The following MARCHF1 variants were observed in gnomAD, a reference collection of about 807,000 sequenced individuals.
The protein encoded by MARCHF1 is membrane associated ring-CH-type finger 1.
A neutral mutation model predicts 54.2 loss-of-function variants in MARCHF1; 40 were observed. The observed-to-expected ratio is 0.74, with a 90% confidence interval of 0.57 to 0.96. The LOEUF (loss-of-function observed/expected upper bound fraction) is 0.96. MARCHF1 is among the 40% of genes least tolerant of loss of function. MARCHF1 has a pLI of 0.00. For synonymous variants in MARCHF1, 236 were observed against 236.3 expected (o/e 1.00, Z 0.01); for missense variants, 586 against 656.5 (o/e 0.89, Z 1.17).
chr4:164,051,069 G>C (rs1404615193), intron 2 of MARCHF1, among the ~76,000 whole-genome samples: 1 of 152,100 alleles, frequency 6.6e-6, no homozygotes, highest in Admixed American at 6.6e-5. Flanking sequence ...TAATTATCTT[G>C]AAATGAGAGA....
At chr4:163,906,988 G>A (rs1490782574) in intron 3 of MARCHF1, among the ~76,000 whole-genome samples, 1 of 151,916 alleles carries the variant, frequency 6.6e-6, no homozygotes, top group African/African-American at 2.4e-5. Flanking sequence ...TGTTTAATAT[G>A]TGTGAACATA....
intron 2 of MARCHF1, among the ~76,000 whole-genome samples, chr4:164,096,472 T>C (rs372988491): frequency 1.3e-5 from 2 of 152,004 alleles, no homozygotes; most frequent in Non-Finnish European, 2.9e-5. Flanking sequence ...GGTACTATGT[T>C]CATTATCTGG....
At chr4:163,601,797 C>T (rs1202132562) in intron 7 of MARCHF1, among the ~76,000 whole-genome samples, 1 of 151,582 alleles carries the variant, frequency 6.6e-6, no homozygotes, top group African/African-American at 2.4e-5. Flanking sequence ...TTGTTTCTAT[C>T]TAAAGGCACA....
intron 4 of MARCHF1, among the ~76,000 whole-genome samples, chr4:163,723,622 C>A (rs1194692913): frequency 1.3e-5 from 2 of 152,188 alleles, no homozygotes; most frequent in Non-Finnish European, 2.9e-5. Context: ...AGAGTGTTTT[C>A]CAACTTGGTT....
intron 2 of MARCHF1, among the ~76,000 whole-genome samples, chr4:164,021,143 C>T (rs977111630): frequency 2.7e-5 from 4 of 150,392 alleles, no homozygotes; most frequent in Non-Finnish European, 4.4e-5. Context: ...ACCATATCAT[C>T]CAGACCAGTT....
chr4:164,253,510 G>A (rs1733183339), intron 1 of MARCHF1, among the ~76,000 whole-genome samples: 1 of 152,134 alleles, frequency 6.6e-6, no homozygotes, highest in South Asian at 2.1e-4. Context: ...CAGACAGTAG[G>A]ATGGTAGCAG....
intron 1 of MARCHF1, among the ~76,000 whole-genome samples, chr4:164,210,633 A>G (rs546011984): frequency 1.3e-5 from 2 of 152,232 alleles, no homozygotes; most frequent in African/African-American, 4.8e-5. Flanking sequence ...ATGAATAAAG[A>G]TAAGAAATGA....
chr4:164,070,846 G>T (rs917889643), intron 2 of MARCHF1, among the ~76,000 whole-genome samples: 3 of 152,188 alleles, frequency 2.0e-5, no homozygotes, highest in African/African-American at 7.2e-5. Context: ...AATTTCAACT[G>T]AATTGTATCT....
chr4:163,739,896 G>C (rs1461192205), intron 4 of MARCHF1, among the ~76,000 whole-genome samples: 2 of 152,110 alleles, frequency 1.3e-5, no homozygotes, highest in African/African-American at 4.8e-5. Context: ...ACCTTACAGT[G>C]GAGTATAATT....
At chr4:164,063,675 T>C (rs1050286385) in intron 2 of MARCHF1, among the ~76,000 whole-genome samples, 13 of 152,256 alleles carry the variant, frequency 8.5e-5, no homozygotes, top group Non-Finnish European at 1.9e-4. Context: ...GACATTTTCA[T>C]TGTGCTTGAA....
chr4:164,369,247 T>C (rs1444652970), intron 1 of MARCHF1, among the ~76,000 whole-genome samples: 1 of 152,146 alleles, frequency 6.6e-6, no homozygotes, highest in African/African-American at 2.4e-5. Flanking sequence ...GACTGGGTGG[T>C]TCTTCTCTGT....
At chr4:163,641,641 G>A (rs1579147617) in intron 5 of MARCHF1, among the ~76,000 whole-genome samples, 1 of 152,170 alleles carries the variant, frequency 6.6e-6, no homozygotes, top group African/African-American at 2.4e-5. Flanking sequence ...GAAGTCCTAA[G>A]AGGAGTAGAA....
At chr4:164,103,182 C>A in intron 2 of MARCHF1, among the ~76,000 whole-genome samples, 1 of 61,672 alleles carries the variant, frequency 1.6e-5, no homozygotes, top group African/African-American at 5.2e-5. Context: ...TTTAACACCC[C>A]ACTGTCAACA....
intron 3 of MARCHF1, among the ~76,000 whole-genome samples, chr4:163,883,271 GAGA>G: frequency 6.6e-6 from 1 of 151,288 alleles, no homozygotes; most frequent in South Asian, 2.1e-4. Context: ...GAGAGAGAGA[GAGA>G]GAGAGAGAGA....
Position 163,845,469 on chromosome 4 carries a change from A to G in MARCHF1, c.111+8552T>C, listed in dbSNP as rs973191406. On this transcript the variant is annotated intron_variant, in intron 4 of 9. Coordinates refer to ENST00000514618, the MANE Select transcript of MARCHF1 (RefSeq NM_001394959.1). Reference sequence around the variant, plus strand: ...GACAATGCACCTCAGTTACACACACACACACACACACACACACACACACAC... The same window carrying G: ...GACAATGCACCTCAGTTACACACACGCACACACACACACACACACACACAC... Among the ~76,000 whole-genome samples the G allele has an allele frequency of 2.2e-4, 29 of 133,478 alleles. 1 individual carries two copies. The East Asian group carries it at 0.012, about 55-fold the overall frequency. The allele number at this position is 133,478 out of a possible 152,430, so 87.6% of individuals were successfully genotyped here.
chr4:163,766,729 G>T (rs886913642), intron 4 of MARCHF1, among the ~76,000 whole-genome samples: 3 of 152,056 alleles, frequency 2.0e-5, no homozygotes, highest in African/African-American at 7.2e-5. Context: ...TTTCCTCAAA[G>T]AGACAAACAA....
At chr4:164,142,756 G>T (rs1479598885) in intron 1 of MARCHF1, among the ~76,000 whole-genome samples, 1 of 152,178 alleles carries the variant, frequency 6.6e-6, no homozygotes, top group Non-Finnish European at 1.5e-5. Context: ...ACTCTAAAAA[G>T]GAGAGCAACT....
At chr4:164,133,959 T>C (rs1008542574) in intron 1 of MARCHF1, among the ~76,000 whole-genome samples, 6 of 152,234 alleles carry the variant, frequency 3.9e-5, no homozygotes, top group African/African-American at 1.4e-4. Flanking sequence ...TATGTCACTT[T>C]CTTAATTATA....
intron 7 of MARCHF1, among the ~76,000 whole-genome samples, chr4:163,601,473 A>G (rs1403661493): frequency 6.6e-6 from 1 of 152,064 alleles, no homozygotes; most frequent in Non-Finnish European, 1.5e-5. Flanking sequence ...GGAAGCACAT[A>G]GTTCAGTATA....
Sources: allele counts gnomAD v4.1 joint callset (sites outside exome capture counted in the v4.1 genomes callset), GRCh38; gene constraint gnomAD v4.1.1; transcripts MANE v1.5; gene names NCBI Gene and HGNC (gene_info 2026-07-23, HGNC 2026-07-21).